Variants in EVL observed in about 807,000 individuals in gnomAD.
The protein encoded by EVL is ena/VASP-like protein.
EVL carries 21 observed loss-of-function variants against 59.6 expected under a neutral mutation model. That is an observed-to-expected ratio of 0.35 (90% CI 0.25 to 0.51). The LOEUF is 0.51. EVL is among the 20% of genes least tolerant of loss of function. The probability of loss-of-function intolerance (pLI) is 0.97; values close to 1 mark genes in which losing one functional copy is unlikely to be tolerated. For missense variants in EVL, 462 were observed against 546.6 expected, an observed-to-expected ratio of 0.85 and a Z score of 1.54; for synonymous variants, 198 against 203.5, an observed-to-expected ratio of 0.97 and a Z score of 0.23.
chr14:100,129,731 C>T, intron 7 of EVL, 47 bp downstream of exon 7: 1 of 1,495,612 alleles, frequency 6.7e-7, no homozygotes, highest in Non-Finnish European at 8.9e-7. Context: ...GCAGGAAGCT[C>T]CTGCCCCCGC....
At position 100,143,745 on chromosome 14, in the gene EVL, G is replaced by A. The variant is rs370490000; in HGVS notation, c.*7G>A. 2.0e-5 allele frequency: 32 copies of A among 1,612,014 alleles called. No individual in the cohort carries two copies. Among genetic ancestry groups the A allele is most frequent in the Non-Finnish European group, 2.4e-5 (28 of 1,179,722 alleles). Reference sequence around the variant, plus strand: ...TGGGATCAGCACCACGTAAGGGGCCGGCCTCGCTGCGCTGATTCGTCGAGC... The same window carrying A: ...TGGGATCAGCACCACGTAAGGGGCCAGCCTCGCTGCGCTGATTCGTCGAGC... On this transcript the variant is annotated 3_prime_UTR_variant, in exon 14 of 14. Coordinates refer to ENST00000392920, the MANE Select transcript of EVL (RefSeq NM_016337.3).
rs1231697569 is a variant in EVL at position 100,137,593 on chromosome 14, C to A, written c.980C>A (p.Pro327His). The A allele has an allele frequency of 6.8e-6, 11 of 1,613,892 alleles. No individual in the cohort carries two copies. Among genetic ancestry groups the A allele is most frequent in the Non-Finnish European group, 9.3e-6 (11 of 1,180,024 alleles). Reference sequence around the variant, plus strand: ...GAACTGACAGAGGCTGGCCGGAAGCCCTGGGAGCGGAGCAACTCGGTGGAG... The same window carrying A: ...GAACTGACAGAGGCTGGCCGGAAGCACTGGGAGCGGAGCAACTCGGTGGAG... ...PPNSSEAGRKPWERSNSVEKP... is the reference protein window; with the variant it reads ...PPNSSEAGRKHWERSNSVEKP... Residue 327 changes from proline to histidine, a missense_variant, in exon 10 of 14, where the codon CCC becomes CAC. Coordinates refer to ENST00000392920, the MANE Select transcript of EVL (RefSeq NM_016337.3).
upstream of EVL, chr14:100,065,153 A>G (rs375459952): frequency 8.4e-5 from 14 of 166,196 alleles, no homozygotes; most frequent in East Asian, 1.7e-3. Context: ...CCTGGCCCCT[A>G]CCTCCAGCAG....
intron 3 of EVL, among the ~76,000 whole-genome samples, chr14:100,122,594 T>C (rs1416095773): frequency 6.6e-6 from 1 of 152,178 alleles, no homozygotes; most frequent in African/African-American, 2.4e-5. Flanking sequence ...ACTTGAATAT[T>C]GCTGTGACCC....
intron 3 of EVL, chr14:100,107,045 C>G: frequency 2.5e-6 from 1 of 398,782 alleles, no homozygotes; most frequent in Non-Finnish European, 4.4e-6. Flanking sequence ...CCTCCTCCAT[C>G]AGCAGGTGGA....
Position 100,084,849 on chromosome 14 carries a change from T to A in EVL, c.174T>A (p.Asp58Glu). The stretch of plus-strand genomic sequence containing the variant: ...GAGTCGTTGGAGTCAAGTTGCAGGA[T>A]CAGCAGGTCAGTGCTGGAATTACAG... ...TFRVVGVKLQ[D>E]QQVVINYSIV... The change falls in exon 2 of 14, where the codon GAT (aspartate) becomes GAA (glutamate). Residue 58 changes from aspartate (D) to glutamate (E), a missense_variant. Coordinates refer to ENST00000392920, the MANE Select transcript of EVL (RefSeq NM_016337.3). 6.2e-7 allele frequency: 1 copy of A among 1,614,130 alleles called. No individual in the cohort carries two copies. Among genetic ancestry groups the A allele is most frequent in the African/African-American group, 1.3e-5 (1 of 75,048 alleles).
At chr14:100,124,678 A>G (rs1887915028) in intron 4 of EVL, among the ~76,000 whole-genome samples, 1 of 152,184 alleles carries the variant, frequency 6.6e-6, no homozygotes, top group African/African-American at 2.4e-5. Context: ...GGTCCCACCC[A>G]CAAAAGGGCG....
chr14:100,077,807 C>T (rs2062196628), intron 1 of EVL, among the ~76,000 whole-genome samples: 2 of 152,038 alleles, frequency 1.3e-5, no homozygotes, highest in Non-Finnish European at 1.5e-5. Flanking sequence ...GAGTCTGGCT[C>T]TGTCGCCCAG....
upstream of EVL, among the ~76,000 whole-genome samples, chr14:100,063,787 G>A (rs766678779): frequency 5.3e-5 from 8 of 152,168 alleles, no homozygotes; most frequent in Non-Finnish European, 7.3e-5. Context: ...TGCTACATCC[G>A]CCAAGGTAGA....
intron 1 of EVL, chr14:100,019,544 T>G (rs2140199540): frequency 1.3e-6 from 1 of 796,940 alleles, no homozygotes; most frequent in South Asian, 1.9e-5. Context: ...TTCAGAATAT[T>G]GGGGGGTGTG....
At chr14:99,989,243 C>T (rs972800334) in intron 1 of EVL, among the ~76,000 whole-genome samples, 5 of 152,140 alleles carry the variant, frequency 3.3e-5, no homozygotes, top group Non-Finnish European at 5.9e-5. Flanking sequence ...CGGTTCCCTC[C>T]TGTCACATCC....
Position 100,108,023 on chromosome 14 carries a change from G to A in EVL, c.358+10365G>A, listed in dbSNP as rs1805665383. ...CATAATGTATGTCCTTTTCCTACTT[G>A]GTTTGCGTGTAATAACATCATTGGT... On this transcript the variant is annotated intron_variant, in intron 3 of 13. Coordinates refer to ENST00000392920, the MANE Select transcript of EVL (RefSeq NM_016337.3). This position sits in a 1 kb window ranked among gnomAD's most constrained non-coding sequence, Gnocchi z 4.1. 6.6e-6 allele frequency: 1 copy of A among 152,126 alleles called. No individual in the cohort carries two copies. The highest frequency in any genetic ancestry group is 2.1e-4 in the South Asian group (1 of 4,808). The allele number at this position is 152,126 out of a possible 1,614,324, so 9.4% of individuals were successfully genotyped here.
chr14:100,063,474 C>T (rs1461732442), upstream of EVL, among the ~76,000 whole-genome samples: 1 of 152,204 alleles, frequency 6.6e-6, no homozygotes, highest in Non-Finnish European at 1.5e-5. Flanking sequence ...TTATAAGCCA[C>T]TCAGTTTGTG....
At chr14:100,062,006 C>T (rs928675470), upstream of EVL, among the ~76,000 whole-genome samples, 26 of 151,632 alleles carry the variant, frequency 1.7e-4, no homozygotes, top group African/African-American at 6.1e-4. Flanking sequence ...ATGGTGGTAG[C>T]TCATGCCTGT....
intron 1 of EVL, among the ~76,000 whole-genome samples, chr14:100,029,425 C>A (rs2061272921): frequency 6.6e-6 from 1 of 152,122 alleles, no homozygotes; most frequent in African/African-American, 2.4e-5. Flanking sequence ...AACATCTACT[C>A]AATATAAGCC....
chr14:100,088,082 T>TA (rs1257732537), intron 2 of EVL, among the ~76,000 whole-genome samples: 5 of 152,154 alleles, frequency 3.3e-5, no homozygotes, highest in South Asian at 2.1e-4. Flanking sequence ...ATGAAGAAGA[T>TA]ATTAACGCAG....
intron 1 of EVL, among the ~76,000 whole-genome samples, chr14:100,053,141 T>C (rs981014082): frequency 3.3e-5 from 5 of 152,210 alleles, no homozygotes; most frequent in African/African-American, 1.2e-4. Context: ...ATAGTCACAT[T>C]GAGGGTTAGG....
At chr14:100,040,191 G>A (rs1459491918) in intron 1 of EVL, among the ~76,000 whole-genome samples, 1 of 152,178 alleles carries the variant, frequency 6.6e-6, no homozygotes, top group African/African-American at 2.4e-5. Context: ...GCACTTTGCT[G>A]CCCTTACTAC....
At chr14:100,053,456 T>TTA (rs10652569) in intron 1 of EVL, among the ~76,000 whole-genome samples, 1 of 152,020 alleles carries the variant, frequency 6.6e-6, no homozygotes, top group Admixed American at 6.6e-5. Flanking sequence ...GCAGCTTCCT[T>TTA]GTCTTTAATA....
Sources: allele counts gnomAD v4.1 joint callset (sites outside exome capture counted in the v4.1 genomes callset), GRCh38; gene constraint gnomAD v4.1.1; non-coding constraint Gnocchi (gnomAD v3.1); transcripts MANE v1.5; gene names NCBI Gene and HGNC (gene_info 2026-07-23, HGNC 2026-07-21).